The following SAMD5 variants were observed in gnomAD, a reference collection of about 807,000 sequenced individuals.
SAMD5 encodes the protein sterile alpha motif domain-containing protein 5.
SAMD5 carries 13 observed loss-of-function variants against 11.3 expected under a neutral mutation model. That is an observed-to-expected ratio of 1.15 (90% CI 0.75 to 1.83). SAMD5 has a LOEUF of 1.83. SAMD5 is among the 40% of genes most tolerant of loss of function. The pLI, the probability that SAMD5 is intolerant of heterozygous loss-of-function variation, is 0.00. For missense variants in SAMD5, 255 were observed against 239.1 expected, an observed-to-expected ratio of 1.07 and a Z score of -0.44; for synonymous variants, 129 against 111.3, an observed-to-expected ratio of 1.16 and a Z score of -1.00.
intron 1 of SAMD5, among the ~76,000 whole-genome samples, chr6:147,693,394 A>G (rs890198940): frequency 6.6e-6 from 1 of 152,188 alleles, no homozygotes; most frequent in African/African-American, 2.4e-5. Flanking sequence ...GCACAGTGGG[A>G]TAATTGGGTA....
the SAMD5 span, among the ~76,000 whole-genome samples, chr6:147,901,485 A>G: frequency 1.3e-5 from 2 of 152,306 alleles, no homozygotes; most frequent in Admixed American, 6.5e-5. Context: ...TTATTGTAAT[A>G]TGTTAAAAGA....
chr6:147,764,507 C>A, the SAMD5 span, among the ~76,000 whole-genome samples: 6 of 152,190 alleles, frequency 3.9e-5, no homozygotes, highest in African/African-American at 1.2e-4. Flanking sequence ...ATTTAACCCT[C>A]AGTGTAATGT....
intron 1 of SAMD5, among the ~76,000 whole-genome samples, chr6:147,628,190 G>A (rs935751560): frequency 1.1e-4 from 16 of 152,182 alleles, no homozygotes; most frequent in Admixed American, 2.6e-4. Flanking sequence ...ATAGACAGGG[G>A]ACAAGAGAAC....
intron 1 of SAMD5, among the ~76,000 whole-genome samples, chr6:147,514,371 G>A (rs1343987050): frequency 6.6e-6 from 1 of 151,652 alleles, no homozygotes; most frequent in Non-Finnish European, 1.5e-5. Flanking sequence ...AGAGGTTTAA[G>A]GAGAACATTG....
At chr6:147,730,074 C>CAAAAAAAAA in intron 1 of SAMD5, 92 of 308,186 alleles carry the variant, frequency 3.0e-4, no homozygotes, top group South Asian at 5.3e-4. Context: ...GACTCTGTCT[C>CAAAAAAAAA]AAAAAAAAAA....
intron 1 of SAMD5, among the ~76,000 whole-genome samples, chr6:147,730,375 C>T (rs1791697018): frequency 6.6e-6 from 1 of 152,114 alleles, no homozygotes; most frequent in African/African-American, 2.4e-5. Context: ...ACCTCAACAA[C>T]AAACAGAAGA....
At chr6:147,672,979 A>G (rs987968522) in intron 1 of SAMD5, among the ~76,000 whole-genome samples, 7 of 152,140 alleles carry the variant, frequency 4.6e-5, no homozygotes, top group Non-Finnish European at 8.8e-5. Flanking sequence ...CTTCTAGGTA[A>G]GTGATAGCTT....
At chr6:147,572,765 T>C (rs1351868412), downstream of SAMD5, among the ~76,000 whole-genome samples, 1 of 152,232 alleles carries the variant, frequency 6.6e-6, no homozygotes, top group Non-Finnish European at 1.5e-5. Context: ...GTATATGGTA[T>C]ACTGCCAGAC....
chr6:147,584,792 A>C (rs990864141), intron 1 of SAMD5, among the ~76,000 whole-genome samples: 32 of 152,244 alleles, frequency 2.1e-4, no homozygotes, highest in African/African-American at 7.2e-4. Flanking sequence ...TAGCTCTGAA[A>C]GTTAGCAAAA....
intron 1 of SAMD5, among the ~76,000 whole-genome samples, chr6:147,606,414 A>G (rs1265474281): frequency 2.0e-5 from 3 of 152,164 alleles, no homozygotes; most frequent in South Asian, 2.1e-4. Flanking sequence ...AGAACAAAAA[A>G]AAAAGCCATG....
chr6:147,591,303 G>A (rs1007971201), intron 1 of SAMD5, among the ~76,000 whole-genome samples: 1 of 152,176 alleles, frequency 6.6e-6, no homozygotes, highest in African/African-American at 2.4e-5. Context: ...TGGAACTCCA[G>A]TGGCATATAA....
the SAMD5 span, among the ~76,000 whole-genome samples, chr6:147,818,131 A>C: frequency 6.6e-6 from 1 of 152,258 alleles, no homozygotes; most frequent in Admixed American, 6.5e-5. Flanking sequence ...GCATGTTCTC[A>C]TACACCTTCA....
the SAMD5 span, among the ~76,000 whole-genome samples, chr6:147,949,035 C>A: frequency 1.3e-5 from 2 of 152,202 alleles, no homozygotes; most frequent in African/African-American, 4.8e-5. Context: ...CTTGCATAGG[C>A]TTTTCCCCAG....
At chr6:147,573,737 A>C (rs564322119), downstream of SAMD5, among the ~76,000 whole-genome samples, 14 of 152,218 alleles carry the variant, frequency 9.2e-5, no homozygotes, top group African/African-American at 3.4e-4. Context: ...TCCTTACTAC[A>C]TATCAGCTGG....
the SAMD5 span, among the ~76,000 whole-genome samples, chr6:147,848,381 G>A: frequency 1.3e-5 from 2 of 152,286 alleles, no homozygotes; most frequent in South Asian, 2.1e-4. Flanking sequence ...AATGTTTTGA[G>A]TAAAGAAGAC....
the SAMD5 span, among the ~76,000 whole-genome samples, chr6:147,816,301 A>AAATATATATATAT: frequency 8.0e-3 from 532 of 66,296 alleles, 3 homozygotes; most frequent in Non-Finnish European, 0.01. Context: ...AAAAAAAAAA[A>AAATATATATATAT]ATATATATAT....
chr6:147,777,563 G>A, the SAMD5 span, among the ~76,000 whole-genome samples: 128 of 152,230 alleles, frequency 8.4e-4, no homozygotes, highest in Non-Finnish European at 1.5e-3. Context: ...CCTTCTAAGT[G>A]TGCAATTCAG....
chr6:147,537,634 G>C (rs983684907), intron 1 of SAMD5, among the ~76,000 whole-genome samples: 1 of 151,940 alleles, frequency 6.6e-6, no homozygotes, highest in Non-Finnish European at 1.5e-5. Flanking sequence ...GGCACCTGTA[G>C]TCCCAGCTAC....
At chr6:147,743,697 T>C in the SAMD5 span, among the ~76,000 whole-genome samples, 1 of 152,236 alleles carries the variant, frequency 6.6e-6, no homozygotes, top group African/African-American at 2.4e-5. Context: ...TGTATTTTTA[T>C]CAGATGACAA....
Sources: allele counts gnomAD v4.1 joint callset (sites outside exome capture counted in the v4.1 genomes callset), GRCh38; gene constraint gnomAD v4.1.1; transcripts MANE v1.5; gene names NCBI Gene and HGNC (gene_info 2026-07-23, HGNC 2026-07-21).